The following TRAK1 variants were observed in gnomAD, a reference collection of about 807,000 sequenced individuals.
The protein encoded by TRAK1 is trafficking kinesin-binding protein 1.
TRAK1 carries 33 observed loss-of-function variants against 92.1 expected under a neutral mutation model. The observed-to-expected ratio is 0.36, with a 90% CI of 0.27 to 0.48. The LOEUF (loss-of-function observed/expected upper bound fraction) is 0.48. Ranked by LOEUF, TRAK1 falls within the 20% of genes least tolerant of loss-of-function variation. The pLI is 0.99. For missense variants in TRAK1, 1,123 were observed against 1,257.9 expected, an observed-to-expected ratio of 0.89 and a Z score of 1.62; for synonymous variants, 521 against 517.3, an observed-to-expected ratio of 1.01 and a Z score of -0.10.
chr3:42,203,994 C>T (rs1708029616), intron 13 of TRAK1: 2 of 985,630 alleles, frequency 2.0e-6, no homozygotes, highest in African/African-American at 1.7e-5. Context: ...CTGGGTTCCA[C>T]AGTCTCCAAA....
intron 1 of TRAK1, among the ~76,000 whole-genome samples, chr3:42,051,880 GC>G (rs1702998242): frequency 6.6e-6 from 1 of 152,160 alleles, no homozygotes; most frequent in Admixed American, 6.5e-5. Flanking sequence ...AGTCCTGGTG[GC>G]TATCCAGATG....
intron 1 of TRAK1, among the ~76,000 whole-genome samples, chr3:42,116,669 G>T (rs1709200111): frequency 6.6e-6 from 1 of 152,164 alleles, no homozygotes; most frequent in Non-Finnish European, 1.5e-5. Context: ...ACTGCCATGG[G>T]TAATGTGTCA....
In TRAK1 at chr3:42,075,868, A is replaced by G. The variant is rs1340213248; in HGVS notation, c.-518-11236A>G. ...TTTATTTTTTATTTTTTTGAGACAG[A>G]GTCTTGCTCTGTTGCCCAGGCTGGA... On this transcript the variant is annotated intron_variant, in intron 1 of 16. Transcript: ENST00000487159. 2.6e-5 allele frequency among the ~76,000 whole-genome samples: 4 copies of G among 151,648 alleles called. No individual in the cohort carries two copies. The East Asian group carries it at 7.8e-4, about 30-fold the overall frequency.
intron 2 of TRAK1, 122 bp from the exon 3 acceptor site, chr3:42,176,692 C>T (rs959464790): frequency 1.7e-5 from 14 of 834,836 alleles, no homozygotes; most frequent in African/African-American, 1.0e-4. Context: ...TTGAACCCAG[C>T]GAGCCAGTGA....
At chr3:42,176,614 C>T (rs1374162361) in intron 2 of TRAK1, among the ~76,000 whole-genome samples, 200 bp from the exon 3 acceptor site, 1 of 152,198 alleles carries the variant, frequency 6.6e-6, no homozygotes, top group African/African-American at 2.4e-5. Context: ...AGTCCCCCTA[C>T]CCCCAGACTC....
At chr3:42,075,204 G>T (rs1704098548) in intron 1 of TRAK1, among the ~76,000 whole-genome samples, 1 of 151,950 alleles carries the variant, frequency 6.6e-6, no homozygotes, top group Admixed American at 6.6e-5. Flanking sequence ...GGCTGGGTGT[G>T]GTGGCTCACG....
intron 3 of TRAK1, 119 bp downstream of exon 3, chr3:42,177,009 G>A (rs1703319689): frequency 4.4e-6 from 4 of 905,626 alleles, no homozygotes; most frequent in South Asian, 3.1e-5. Context: ...GGTCTCTTTC[G>A]AGGTATAATT....
At chr3:42,047,527 C>T (rs896296604) in intron 1 of TRAK1, among the ~76,000 whole-genome samples, 7 of 149,226 alleles carry the variant, frequency 4.7e-5, no homozygotes, top group Admixed American at 1.4e-4. Context: ...TTTAGCAGAT[C>T]TGAAAAGTAG....
At chr3:42,186,913 A>C (rs1377521708) in intron 4 of TRAK1, among the ~76,000 whole-genome samples, 2 of 152,260 alleles carry the variant, frequency 1.3e-5, no homozygotes, top group Non-Finnish European at 2.9e-5. Context: ...GAAAAGTTGC[A>C]ATAAACCATA....
chr3:42,028,884 T>C (rs1350236240), intron 1 of TRAK1, among the ~76,000 whole-genome samples: 1 of 152,202 alleles, frequency 6.6e-6, no homozygotes. Context: ...TGAGACGGTA[T>C]GTTAGTCTAT....
intron 10 of TRAK1, among the ~76,000 whole-genome samples, chr3:42,196,946 T>C (rs925629162): frequency 6.6e-6 from 1 of 151,206 alleles, no homozygotes; most frequent in Non-Finnish European, 1.5e-5. Context: ...CTAATTTCTC[T>C]CTCCTTTCTC....
chr3:42,112,126 C>T (rs1466966651), intron 1 of TRAK1, among the ~76,000 whole-genome samples: 1 of 141,000 alleles, frequency 7.1e-6, no homozygotes, highest in Admixed American at 7.3e-5. Context: ...TCCCTTTCCT[C>T]AGCTCTTACT....
intron 14 of TRAK1, chr3:42,217,797 A>T: frequency 1.0e-6 from 1 of 984,652 alleles, no homozygotes; most frequent in Non-Finnish European, 1.2e-6. Flanking sequence ...TTGTTTCTAG[A>T]CCTTATTGCG....
chr3:42,224,950 A>G lies in TRAK1; in HGVS notation c.*1213A>G, dbSNP rs559819201. The G allele has an allele frequency of 6.6e-6, 1 of 152,298 alleles. No individual in the cohort carries two copies. Among genetic ancestry groups the G allele is most frequent in the Admixed American group, 6.5e-5 (1 of 15,310 alleles). 9.4% of individuals were successfully genotyped at this position (152,298 alleles called of 1,614,324 possible). On this transcript the variant is annotated 3_prime_UTR_variant, in exon 16 of 16. Coordinates refer to ENST00000327628, the MANE Select transcript of TRAK1 (RefSeq NM_001042646.3). The stretch of plus-strand genomic sequence containing the variant: ...CAACAAGATATTTTCTTTCCCTCCA[A>G]AGCCTTTTGTCTCCTTGTGCCTCTT...
intron 1 of TRAK1, among the ~76,000 whole-genome samples, chr3:42,017,526 T>C (rs771642120): frequency 2.6e-5 from 4 of 152,240 alleles, no homozygotes; most frequent in African/African-American, 7.2e-5. Context: ...AAATGTTCCC[T>C]ATTCTGACTT....
At chr3:42,210,118 G>GGA (rs1317071951) in intron 14 of TRAK1, 133 bp downstream of exon 14, 2 of 1,089,308 alleles carry the variant, frequency 1.8e-6, no homozygotes, top group Admixed American at 5.0e-5. Flanking sequence ...GAGGAGGAGG[G>GGA]GTCTGGTGAG....
intron 1 of TRAK1, among the ~76,000 whole-genome samples, chr3:42,050,870 C>T (rs1334589873): frequency 2.6e-5 from 4 of 152,014 alleles, no homozygotes; most frequent in Non-Finnish European, 5.9e-5. Flanking sequence ...GTTGGCCAGG[C>T]TGGTCATTAT....
intron 2 of TRAK1, among the ~76,000 whole-genome samples, chr3:42,152,497 T>G (rs1312005052): frequency 6.6e-6 from 1 of 152,196 alleles, no homozygotes; most frequent in Non-Finnish European, 1.5e-5. Flanking sequence ...ATCTGCTTAT[T>G]AAAAAAGCAG....
chr3:42,203,883 T>C (rs966669397), intron 13 of TRAK1: 1 of 935,512 alleles, frequency 1.1e-6, no homozygotes, highest in Non-Finnish European at 1.3e-6. Context: ...CAATTATGTT[T>C]ACCTCAAAAG....
Sources: allele counts gnomAD v4.1 joint callset (sites outside exome capture counted in the v4.1 genomes callset), GRCh38; gene constraint gnomAD v4.1.1; transcripts MANE v1.5; gene names NCBI Gene and HGNC (gene_info 2026-07-23, HGNC 2026-07-21).